The following NLK variants were observed in gnomAD, a reference collection of about 807,000 sequenced individuals.
NLK encodes serine/threonine-protein kinase NLK.
A neutral mutation model predicts 59.0 loss-of-function variants in NLK; 11 were observed. The observed-to-expected ratio is 0.19, with a 90% CI of 0.12 to 0.31. The LOEUF (loss-of-function observed/expected upper bound fraction) is 0.31, where lower values mean the gene tolerates loss of function less well. NLK is among the 10% of genes least tolerant of loss of function. The probability of loss-of-function intolerance (pLI) is 1.00; values close to 1 mark genes in which losing one functional copy is unlikely to be tolerated. For synonymous variants in NLK, 235 were observed against 235.9 expected (o/e 1.00, Z 0.03); for missense variants, 410 against 661.1 (o/e 0.62, Z 4.16).
chr17:28,146,082 G>A (rs2142033804), intron 3 of NLK, among the ~76,000 whole-genome samples: 1 of 152,138 alleles, frequency 6.6e-6, no homozygotes, highest in Admixed American at 6.5e-5. Flanking sequence ...GGAGAATGTT[G>A]GAAAGAAATA....
chr17:28,138,201 G>A (rs1906840450), intron 3 of NLK, among the ~76,000 whole-genome samples: 1 of 152,184 alleles, frequency 6.6e-6, no homozygotes, highest in Non-Finnish European at 1.5e-5. Flanking sequence ...TACAGGGTTG[G>A]AAATAAAAAT....
chr17:28,096,037 A>G (rs1430851372), intron 1 of NLK, among the ~76,000 whole-genome samples: 1 of 152,230 alleles, frequency 6.6e-6, no homozygotes, highest in Non-Finnish European at 1.5e-5. Context: ...ATCACAAATG[A>G]AGTGTAATTG....
At chr17:28,156,882 A>G (rs554196336) in intron 3 of NLK, among the ~76,000 whole-genome samples, 8 of 152,338 alleles carry the variant, frequency 5.3e-5, no homozygotes, top group African/African-American at 1.9e-4. Context: ...TTTACCAGCC[A>G]TCGATGGTGC....
chr17:28,186,697 G>A (rs899542994), intron 8 of NLK, among the ~76,000 whole-genome samples: 4 of 152,180 alleles, frequency 2.6e-5, no homozygotes, highest in Non-Finnish European at 5.9e-5. Context: ...CAGATCTCAT[G>A]AGACTTATTC....
intron 3 of NLK, among the ~76,000 whole-genome samples, chr17:28,137,690 C>T (rs563270410): frequency 1.3e-5 from 2 of 152,060 alleles, no homozygotes; most frequent in East Asian, 3.9e-4. Context: ...AATTATTATG[C>T]CAGTGCTCAC....
chr17:28,098,640 T>C (rs369546720), intron 1 of NLK, among the ~76,000 whole-genome samples: 2 of 151,936 alleles, frequency 1.3e-5, no homozygotes. Flanking sequence ...TTCCCAGTTA[T>C]TTTTCACAAC....
intron 1 of NLK, among the ~76,000 whole-genome samples, chr17:28,055,102 T>C (rs1020982311): frequency 4.0e-5 from 6 of 150,936 alleles, no homozygotes; most frequent in Admixed American, 2.0e-4. Context: ...TTTCTTTTTT[T>C]TTTTTTTTTG....
chr17:28,186,694 C>A (rs568714174), intron 8 of NLK, among the ~76,000 whole-genome samples: 19 of 152,266 alleles, frequency 1.2e-4, no homozygotes, highest in African/African-American at 4.6e-4. Flanking sequence ...GGTCAGATCT[C>A]ATGAGACTTA....
chr17:28,086,390 T>A (rs958834235), intron 1 of NLK, among the ~76,000 whole-genome samples: 4 of 152,136 alleles, frequency 2.6e-5, no homozygotes, highest in African/African-American at 9.7e-5. Context: ...TGTCTTTTAG[T>A]TGAATGCATT....
chr17:28,094,409 A>G (rs768207207), intron 1 of NLK, among the ~76,000 whole-genome samples: 2 of 152,226 alleles, frequency 1.3e-5, no homozygotes, highest in Non-Finnish European at 2.9e-5. Context: ...CTAGTAGTGC[A>G]TTATTAACCC....
At chr17:28,171,506 T>C (rs775292141) in intron 6 of NLK, among the ~76,000 whole-genome samples, 4 of 152,234 alleles carry the variant, frequency 2.6e-5, no homozygotes, top group Non-Finnish European at 4.4e-5. Context: ...TGTGTCCAGC[T>C]AGCTAAATGT....
intron 10 of NLK, among the ~76,000 whole-genome samples, chr17:28,192,449 A>G (rs2142074844): frequency 6.6e-6 from 1 of 152,272 alleles, no homozygotes; most frequent in East Asian, 1.9e-4. Context: ...CAGACAGATC[A>G]CCTGAGGTCT....
At chr17:28,109,209 G>C (rs1436730052) in intron 1 of NLK, among the ~76,000 whole-genome samples, 1 of 151,948 alleles carries the variant, frequency 6.6e-6, no homozygotes, top group African/African-American at 2.4e-5. Context: ...AAGATTTCCA[G>C]GTGATTCCTG....
chr17:28,055,351 G>T (rs545255577), intron 1 of NLK, among the ~76,000 whole-genome samples: 24 of 151,836 alleles, frequency 1.6e-4, no homozygotes, highest in African/African-American at 4.8e-4. Context: ...TCGGGCTCCC[G>T]AAGTGCTGGG....
chr17:28,109,714 A>G (rs988030250), intron 1 of NLK, among the ~76,000 whole-genome samples: 10 of 152,234 alleles, frequency 6.6e-5, no homozygotes, highest in African/African-American at 2.2e-4. Flanking sequence ...GATGTATCAT[A>G]GTTTATGCAT....
intron 3 of NLK, among the ~76,000 whole-genome samples, chr17:28,139,165 A>G (rs557658871): frequency 2.6e-5 from 4 of 152,302 alleles, no homozygotes; most frequent in African/African-American, 9.6e-5. Context: ...CTGAGGCGGG[A>G]GAATCTCTTG....
At chr17:28,133,298 G>A (rs927172242) in intron 3 of NLK, among the ~76,000 whole-genome samples, 5 of 152,146 alleles carry the variant, frequency 3.3e-5, no homozygotes, top group Non-Finnish European at 7.4e-5. Flanking sequence ...AGGCACAAAA[G>A]GTAAGAAAAT....
At chr17:28,101,641 G>A (rs1904905704) in intron 1 of NLK, among the ~76,000 whole-genome samples, 1 of 152,038 alleles carries the variant, frequency 6.6e-6, no homozygotes, top group South Asian at 2.1e-4. Flanking sequence ...CTCATACCCT[G>A]GAACTTTGCT....
chr17:28,087,734 A>G (rs2083416371), intron 1 of NLK, among the ~76,000 whole-genome samples: 1 of 151,434 alleles, frequency 6.6e-6, no homozygotes, highest in African/African-American at 2.5e-5. Flanking sequence ...TTTTGCTCCA[A>G]GTTTTTGAAA....
Sources: gnomAD v4.1 joint callset for allele counts (sites outside exome capture counted in the v4.1 genomes callset) on GRCh38, gnomAD v4.1.1 for gene constraint, MANE v1.5 for transcripts, NCBI Gene and HGNC (gene_info 2026-07-23, HGNC 2026-07-21) for gene names.